Variants in ZRANB3 observed in about 807,000 individuals in gnomAD.
ZRANB3 encodes the protein zinc finger RANBP2-type containing 3, also known as DNA annealing helicase and endonuclease ZRANB3.
In ZRANB3, 125 loss-of-function variants were observed where a neutral mutation model predicts 133.8. That is an observed-to-expected ratio of 0.93 (90% CI 0.81 to 1.08). The LOEUF is 1.08. ZRANB3 is among the 50% of genes least tolerant of loss of function. ZRANB3 has a pLI of 0.00. For synonymous variants in ZRANB3, 387 were observed against 432.7 expected (o/e 0.89, Z 1.31); for missense variants, 1,229 against 1,275.5 (o/e 0.96, Z 0.56).
intron 2 of ZRANB3, among the ~76,000 whole-genome samples, chr2:135,487,447 TTCTC>T (rs904277653): frequency 9.2e-5 from 14 of 152,218 alleles, no homozygotes; most frequent in Non-Finnish European, 1.9e-4. Context: ...AGGCATTGAC[TTCTC>T]TCTAATTATG....
intron 12 of ZRANB3, among the ~76,000 whole-genome samples, chr2:135,236,881 C>G (rs1356205818): frequency 6.6e-6 from 1 of 152,134 alleles, no homozygotes. Flanking sequence ...CAGGCATGGG[C>G]AAGGACTTCA....
At chr2:135,516,108 C>CTT (rs572827246) in intron 1 of ZRANB3, among the ~76,000 whole-genome samples, 1 of 146,044 alleles carries the variant, frequency 6.8e-6, no homozygotes, top group African/African-American at 2.5e-5. Flanking sequence ...CCTGTTTTTT[C>CTT]TTTTTTTTTT....
At chr2:135,355,153 T>C (rs938594769) in intron 3 of ZRANB3, 5 of 838,640 alleles carry the variant, frequency 6.0e-6, no homozygotes, top group South Asian at 5.4e-5. Flanking sequence ...ATTTTGTTTA[T>C]GTATTTTTCT....
intron 16 of ZRANB3, among the ~76,000 whole-genome samples, chr2:135,218,622 T>A (rs539025549): frequency 6.6e-6 from 1 of 152,258 alleles, no homozygotes; most frequent in East Asian, 1.9e-4. Context: ...CAGCCACAGA[T>A]CAGTGTTAAG....
intron 12 of ZRANB3, among the ~76,000 whole-genome samples, chr2:135,236,573 A>C (rs1185834171): frequency 3.3e-5 from 5 of 152,236 alleles, no homozygotes; most frequent in African/African-American, 4.8e-5. Flanking sequence ...ACAGCATGGT[A>C]CTGGTACCAA....
chr2:135,372,460 G>C (rs1686226054), intron 3 of ZRANB3, among the ~76,000 whole-genome samples: 1 of 152,160 alleles, frequency 6.6e-6, no homozygotes. Flanking sequence ...ATAACTGGAG[G>C]TGGGTGGTAG....
At chr2:135,524,604 A>G (rs1450001067) in intron 1 of ZRANB3, among the ~76,000 whole-genome samples, 1 of 152,198 alleles carries the variant, frequency 6.6e-6, no homozygotes, top group Non-Finnish European at 1.5e-5. Flanking sequence ...ATTACAAGAA[A>G]AGCTGAGAAT....
intron 2 of ZRANB3, among the ~76,000 whole-genome samples, chr2:135,467,891 A>C (rs970191867): frequency 2.0e-5 from 3 of 152,218 alleles, no homozygotes; most frequent in African/African-American, 7.2e-5. Flanking sequence ...AAGCTTAGGC[A>C]AATTACTTTA....
intron 3 of ZRANB3, among the ~76,000 whole-genome samples, chr2:135,369,998 A>G (rs1029581607): frequency 7.2e-6 from 1 of 139,592 alleles, no homozygotes; most frequent in African/African-American, 2.6e-5. Context: ...ATACACCCCC[A>G]CTCATCCTTA....
chr2:135,303,919 T>A (rs1004479628), intron 8 of ZRANB3, among the ~76,000 whole-genome samples: 1 of 152,238 alleles, frequency 6.6e-6, no homozygotes, highest in African/African-American at 2.4e-5. Context: ...ATTTTTAAAA[T>A]TTCAGTTTCC....
At chr2:135,289,872 C>T (rs532384936) in intron 8 of ZRANB3, among the ~76,000 whole-genome samples, 1 of 152,282 alleles carries the variant, frequency 6.6e-6, no homozygotes, top group African/African-American at 2.4e-5. Flanking sequence ...CACTGCACTC[C>T]AGTGTGGGTG....
Position 135,233,088 on chromosome 2 carries a change from A to G in ZRANB3, c.1540-2161T>C, listed in dbSNP as rs201224747. Among the ~76,000 whole-genome samples, 11 of 152,218 alleles carry G rather than the reference A, an allele frequency of 7.2e-5. No homozygotes were observed. In the East Asian group the frequency reaches 2.1e-3, roughly 29 times the overall value. On this transcript the variant is annotated intron_variant, in intron 12 of 20. Transcript: ENST00000264159. ...GCTAACTAGAATACCCGATGCAGAG[A>G]AGTCCTTAAAGGACCTGATGGAGCT... is the stretch of plus-strand genomic sequence containing the variant.
intron 5 of ZRANB3, among the ~76,000 whole-genome samples, 186 bp from the exon 6 acceptor site, chr2:135,345,821 T>A (rs1296720225): frequency 2.1e-5 from 3 of 145,230 alleles, no homozygotes; most frequent in African/African-American, 5.7e-5. Context: ...CATTTATACA[T>A]CTTTCTATGT....
intron 8 of ZRANB3, among the ~76,000 whole-genome samples, chr2:135,278,636 G>C (rs1174364724): frequency 6.6e-6 from 1 of 152,124 alleles, no homozygotes; most frequent in Non-Finnish European, 1.5e-5. Context: ...AAAGATATTG[G>C]GAGGAGGTTA....
intron 2 of ZRANB3, among the ~76,000 whole-genome samples, chr2:135,411,373 C>T (rs1206524134): frequency 6.6e-6 from 1 of 152,042 alleles, no homozygotes; most frequent in Non-Finnish European, 1.5e-5. Flanking sequence ...TCTCATAGAA[C>T]TAAAAATAGA....
At chr2:135,429,144 TCAA>T (rs1270142258) in intron 2 of ZRANB3, among the ~76,000 whole-genome samples, 1 of 152,134 alleles carries the variant, frequency 6.6e-6, no homozygotes, top group Non-Finnish European at 1.5e-5. Context: ...TAAATGCCCA[TCAA>T]CAACAGACTG....
chr2:135,424,873 G>C (rs1458084559), intron 2 of ZRANB3, among the ~76,000 whole-genome samples: 1 of 152,034 alleles, frequency 6.6e-6, no homozygotes, highest in Non-Finnish European at 1.5e-5. Context: ...AGAACAATGA[G>C]GAAAACAGGA....
intron 8 of ZRANB3, among the ~76,000 whole-genome samples, chr2:135,291,572 AT>A (rs1681734314): frequency 1.3e-5 from 2 of 151,294 alleles, no homozygotes; most frequent in African/African-American, 4.8e-5. Flanking sequence ...TTTATTTTTT[AT>A]TTTTATTTTA....
At chr2:135,250,589 T>C (rs778196390) in intron 12 of ZRANB3, among the ~76,000 whole-genome samples, 3 of 152,216 alleles carry the variant, frequency 2.0e-5, no homozygotes, top group Non-Finnish European at 4.4e-5. Flanking sequence ...CCTAGGGACT[T>C]GGTTCCCTGC....
Sources: allele counts gnomAD v4.1 joint callset (sites outside exome capture counted in the v4.1 genomes callset), GRCh38; gene constraint gnomAD v4.1.1; transcripts MANE v1.5; gene names NCBI Gene and HGNC (gene_info 2026-07-23, HGNC 2026-07-21).